Variants in CACNA1G observed in about 807,000 individuals in gnomAD.
CACNA1G encodes the protein voltage-dependent T-type calcium channel subunit alpha-1G.
A neutral mutation model predicts 219.4 loss-of-function variants in CACNA1G; 67 were observed. The observed-to-expected ratio is 0.31, with a 90% confidence interval of 0.25 to 0.37. CACNA1G has a LOEUF of 0.37. CACNA1G is among the 10% of genes least tolerant of loss of function. The pLI is 1.00. For synonymous variants in CACNA1G, 1,296 were observed against 1,345.3 expected, an observed-to-expected ratio of 0.96 and a Z score of 0.80; for missense variants, 2,380 against 3,231.4, an observed-to-expected ratio of 0.74 and a Z score of 6.39.
intron 35 of CACNA1G, among the ~76,000 whole-genome samples, chr17:50,622,822 G>T (rs1157638466): frequency 1.3e-5 from 2 of 152,194 alleles, no homozygotes; most frequent in African/African-American, 4.8e-5. Context: ...GGGAGCAGCT[G>T]AATTTGGCCT....
At chr17:50,582,101 CCTT>C (rs541658912) in intron 9 of CACNA1G, among the ~76,000 whole-genome samples, 269 of 152,348 alleles carry the variant, frequency 1.8e-3, no homozygotes, top group Non-Finnish European at 2.9e-3. Flanking sequence ...AAGGCACTGT[CCTT>C]CTTTTTAAAG....
Position 50,596,818 on chromosome 17 carries a change from C to G in CACNA1G, c.3153C>G (p.Pro1051=). 6.2e-7 allele frequency: 1 copy of G among 1,610,464 alleles called. No individual in the cohort carries two copies. Among genetic ancestry groups the G allele is most frequent in the Non-Finnish European group, 8.5e-7 (1 of 1,179,232 alleles). ...CGGCCGCCACACCCATGTCGCTGCC[C>G]AAGAGCACCAGCACGGGCCTGGGCG... is the stretch of plus-strand genomic sequence containing the variant. ...IHTAATPMSL[P]KSTSTGLGEA... The change falls in exon 16 of 38, where the codon CCC becomes CCG. Residue 1051 remains proline, a synonymous_variant. Transcript: ENST00000359106. This position sits in a 1 kb window ranked among gnomAD's most constrained non-coding sequence, Gnocchi z 4.8.
chr17:50,619,842 T>G lies in CACNA1G; in HGVS notation c.5925+16T>G. 2 of 1,594,418 alleles carry G rather than the reference T, an allele frequency of 1.3e-6. No homozygotes were observed. Among genetic ancestry groups the G allele is most frequent in the Non-Finnish European group, 1.7e-6 (2 of 1,173,156 alleles). ...CGACCCACAGGTTACTGTGCCCCTG[T>G]GCTGTGCCCTCTCCCCTGACCGTGC... On this transcript the variant is annotated intron_variant, in intron 34 of 37. Transcript: ENST00000359106.
At position 50,577,734 on chromosome 17, in the gene CACNA1G, G is replaced by A. The variant is rs116313345; in HGVS notation, c.1925-454G>A. On this transcript the variant is annotated intron_variant, in intron 8 of 37. Transcript: ENST00000359106. ...AGTATACATGTGTACACGAGTGTGC[G>A]CATCTGGAGCACGTGTGCAGGTGCA... 8.2e-3 allele frequency among the ~76,000 whole-genome samples: 1,251 copies of A among 151,724 alleles called. 20 individuals are homozygous for A. The highest frequency in any genetic ancestry group is 0.028 in the African/African-American group (1,175 of 41,336).
intron 1 of CACNA1G, among the ~76,000 whole-genome samples, chr17:50,568,449 G>A (rs930118492): frequency 6.6e-6 from 1 of 152,174 alleles, no homozygotes; most frequent in Non-Finnish European, 1.5e-5. Context: ...GGCATAATCC[G>A]ACTTTAGGTT....
In CACNA1G at chr17:50,572,737, C is replaced by T. The variant is rs1306128758; in HGVS notation, c.930C>T (p.Asn310=). The T allele has an allele frequency of 1.9e-6, 3 of 1,614,034 alleles. No homozygotes were observed. Among genetic ancestry groups the T allele is most frequent in the Non-Finnish European group, 2.5e-6 (3 of 1,179,888 alleles). ...LDYEAYNSSS[N]TTCVNWNQYY... Reference sequence around the variant, plus strand: ...ATGAGGCCTACAACAGCTCCAGCAACACCACCTGTGTCAACTGGAACCAGT... The same window carrying T: ...ATGAGGCCTACAACAGCTCCAGCAATACCACCTGTGTCAACTGGAACCAGT... The change falls in exon 6 of 38, where the codon AAC becomes AAT. Residue 310 remains asparagine (N), a synonymous_variant. Coordinates refer to ENST00000359106, the MANE Select transcript of CACNA1G (RefSeq NM_018896.5).
intron 36 of CACNA1G, 59 bp from the exon 37 acceptor site, chr17:50,624,301 C>T: frequency 6.9e-7 from 1 of 1,449,400 alleles, no homozygotes; most frequent in Non-Finnish European, 9.5e-7. Flanking sequence ...ACCTGCTCCC[C>T]TGAACCCTCC....
chr17:50,608,354 C>A (rs1296918792), intron 25 of CACNA1G, among the ~76,000 whole-genome samples: 1 of 152,042 alleles, frequency 6.6e-6, no homozygotes, highest in Non-Finnish European at 1.5e-5. Context: ...TGCTCCACTG[C>A]CCCATGCCAG....
At chr17:50,588,293 T>C (rs191606527) in intron 9 of CACNA1G, among the ~76,000 whole-genome samples, 1 of 56,442 alleles carries the variant, frequency 1.8e-5, no homozygotes, top group African/African-American at 8.3e-5. Context: ...GACTGTCTAA[T>C]ATTCTTGGAG....
At chr17:50,564,272 T>G (rs2037006027) in intron 1 of CACNA1G, among the ~76,000 whole-genome samples, 1 of 151,558 alleles carries the variant, frequency 6.6e-6, no homozygotes, top group African/African-American at 2.4e-5. Flanking sequence ...ATGCTGGCCT[T>G]TCCAGTATGT....
Position 50,609,893 on chromosome 17 carries a change from G to A in CACNA1G, c.4717G>A (p.Asp1573Asn), listed in dbSNP as rs772878280. The A allele has an allele frequency of 1.9e-6, 3 of 1,611,642 alleles. No individual in the cohort carries two copies. The highest frequency in any genetic ancestry group is 1.3e-5 in the African/African-American group (1 of 75,078). Residue 1573 changes from aspartate to asparagine, a missense_variant, in exon 26 of 38, where the codon GAC (aspartate) becomes AAC (asparagine). Around this residue, in one of 17 missense-constraint regions of CACNA1G, gnomAD observed 58 missense variants for 71.3 expected, o/e 0.81. Transcript: ENST00000359106. Reference sequence around the variant, plus strand: ...TTTCGTTCTTTTAGATCTAATGCTGGACGATGTAATTGCTTCCGGCAGCTC... The same window carrying A: ...TTTCGTTCTTTTAGATCTAATGCTGAACGATGTAATTGCTTCCGGCAGCTC... ...LEKKRRNLML[D>N]DVIASGSSAS...
chr17:50,616,215 G>T, intron 27 of CACNA1G, 60 bp from the exon 28 acceptor site: 1 of 1,028,062 alleles, frequency 9.7e-7, no homozygotes, highest in Non-Finnish European at 1.5e-6. Flanking sequence ...GGAGGGGCGG[G>T]GGGACAAGCC....
At position 50,571,763 on chromosome 17, in the gene CACNA1G, G is replaced by C; in HGVS notation, c.587-115G>C. ...GTTGGTCTCCCCTCCAGCTTGAGCC[G>C]GGCCGTCTCAGCCTCAGAGTCCCTG... On this transcript the variant is annotated intron_variant, in intron 4 of 37. Coordinates refer to ENST00000359106, the MANE Select transcript of CACNA1G (RefSeq NM_018896.5). This position sits in a 1 kb window ranked among gnomAD's most constrained non-coding sequence, Gnocchi z 4.3. 2 of 1,019,930 alleles carry C rather than the reference G, an allele frequency of 2.0e-6. No individual in the cohort carries two copies. The highest frequency in any genetic ancestry group is 2.9e-6 in the Non-Finnish European group (2 of 680,376). The allele number at this position is 1,019,930 out of a possible 1,614,324, so 63.2% of individuals were successfully genotyped here. A position where few individuals can be genotyped will look rare whatever the true frequency, so the allele number is the denominator to read the frequency against.
At position 50,626,662 on chromosome 17, in the gene CACNA1G, C is replaced by A. The variant is rs541601922; in HGVS notation, c.7045C>A (p.Pro2349Thr). 6.2e-7 allele frequency: 1 copy of A among 1,613,232 alleles called. No homozygotes were observed. The highest frequency in any genetic ancestry group is 8.5e-7 in the Non-Finnish European group (1 of 1,179,856). ...CAAGGATCCCTTGGCCTCTGGCCCC[C>A]CTGACAGCATGGCTGCCTCGCCCTC... ...DSKDPLASGP[P>T]DSMAASPSPK... Residue 2349 changes from proline to threonine, a missense_variant, in exon 38 of 38, where the codon CCT (proline) becomes ACT (threonine). Around this residue, in one of 17 missense-constraint regions of CACNA1G, gnomAD observed 672 missense variants for 670.5 expected, o/e 1.00. Coordinates refer to ENST00000359106, the MANE Select transcript of CACNA1G (RefSeq NM_018896.5). The surrounding 1 kb of genome is among the most constrained non-coding windows in gnomAD (Gnocchi z 4.3).
At position 50,617,409 on chromosome 17, in the gene CACNA1G, C is replaced by T. The variant is rs2050825903; in HGVS notation, c.5022-29C>T. 6.3e-7 allele frequency: 1 copy of T among 1,593,796 alleles called. No homozygotes were observed. The highest frequency in any genetic ancestry group is 1.7e-5 in the Admixed American group (1 of 59,212). On this transcript the variant is annotated intron_variant, in intron 28 of 37. Coordinates refer to ENST00000359106, the MANE Select transcript of CACNA1G (RefSeq NM_018896.5). The surrounding 1 kb of genome is among the most constrained non-coding windows in gnomAD (Gnocchi z 5.8). Reference sequence around the variant, plus strand: ...CTCCTTCAGGAACCCCCTCCCCCAACTCAGGGAGCTGTATTCTGGGCTTTC... The same window carrying T: ...CTCCTTCAGGAACCCCCTCCCCCAATTCAGGGAGCTGTATTCTGGGCTTTC...
Position 50,623,263 on chromosome 17 carries a change from A to ATTTTTT in CACNA1G, c.6061-618_6061-613dup, listed in dbSNP as rs35058899. On this transcript the variant is annotated intron_variant, in intron 35 of 37. Transcript: ENST00000359106. The stretch of plus-strand genomic sequence containing the variant: ...GGTGCCACGCCACCATATCCAGCTA[A>ATTTTTT]TTTTTTTTTTTTTTTTTTTTTTTTT... Among the ~76,000 whole-genome samples, 14 of 50,984 alleles carry ATTTTTT rather than the reference A, an allele frequency of 2.7e-4. 1 individual carries two copies. Among genetic ancestry groups the ATTTTTT allele is most frequent in the African/African-American group, 9.5e-4 (10 of 10,502 alleles). 33.4% of individuals were successfully genotyped at this position (50,984 alleles called of 152,430 possible).
rs1302265954 is a variant in CACNA1G, at chr17:50,603,612, A to G, written c.4169+413A>G. On this transcript the variant is annotated intron_variant, in intron 21 of 37. Transcript: ENST00000359106. This position sits in a 1 kb window ranked among gnomAD's most constrained non-coding sequence, Gnocchi z 6.4. ...CCTCTTGCTGGCTTTCCCCATCTTCAGGCGCCTGCCAGTGACCACCCCCCG... is the reference window on the plus strand; with the variant it reads ...CCTCTTGCTGGCTTTCCCCATCTTCGGGCGCCTGCCAGTGACCACCCCCCG... Among the ~76,000 whole-genome samples, 1 of 150,972 alleles carries G rather than the reference A, an allele frequency of 6.6e-6. No individual in the cohort carries two copies. Among genetic ancestry groups the G allele is most frequent in the Non-Finnish European group, 1.5e-5 (1 of 67,810 alleles).
chr17:50,597,691 T>C (rs2045842415), intron 16 of CACNA1G, among the ~76,000 whole-genome samples: 1 of 152,198 alleles, frequency 6.6e-6, no homozygotes, highest in East Asian at 1.9e-4. Context: ...ATTACGTTAT[T>C]ATTGACTATA....
chr17:50,574,211 G>A (rs914862359), intron 7 of CACNA1G, among the ~76,000 whole-genome samples: 2 of 152,180 alleles, frequency 1.3e-5, no homozygotes, highest in Admixed American at 6.5e-5. Context: ...CCAGGCTAAC[G>A]ACTCCACATT....
Sources: allele counts gnomAD v4.1 joint callset (sites outside exome capture counted in the v4.1 genomes callset), GRCh38; gene constraint gnomAD v4.1.1; regional missense constraint gnomAD v4.1.1; non-coding constraint Gnocchi (gnomAD v3.1); transcripts MANE v1.5; gene names NCBI Gene and HGNC (gene_info 2026-07-23, HGNC 2026-07-21).